Variants in PPP2R5E observed in about 807,000 individuals in gnomAD.
PPP2R5E encodes the protein protein phosphatase 2 regulatory subunit B'epsilon.
A neutral mutation model predicts 65.3 loss-of-function variants in PPP2R5E; 4 were observed. The observed-to-expected ratio is 0.06, with a 90% CI of 0.03 to 0.14. PPP2R5E has a LOEUF of 0.14. Among genes scored for constraint, PPP2R5E ranks in the 10% least tolerant of loss-of-function variants. PPP2R5E has a pLI of 1.00. For missense variants in PPP2R5E, 274 were observed against 556.1 expected (o/e 0.49, Z 5.10); for synonymous variants, 183 against 187.4 (o/e 0.98, Z 0.19).
At position 63,386,099 on chromosome 14, in the gene PPP2R5E, T is replaced by C. The variant is rs527920690; in HGVS notation, c.1075-1528A>G. On this transcript the variant is annotated intron_variant, in intron 11 of 13. Transcript: ENST00000337537. Reference sequence around the variant, plus strand: ...TTATACAGATTAAGAAGCCCTGTTTTAGAAGAGAACAAAATGGTATAAGAT... The same window carrying C: ...TTATACAGATTAAGAAGCCCTGTTTCAGAAGAGAACAAAATGGTATAAGAT... Among the ~76,000 whole-genome samples, 13 of 152,332 alleles carry C rather than the reference T, an allele frequency of 8.5e-5. 1 individual carries two copies. In the South Asian group the frequency reaches 2.3e-3, roughly 27 times the overall value.
rs150348472 is a variant in PPP2R5E at position 63,475,645 on chromosome 14, G to C, written c.158-21760C>G. ...ACATTGAAGACTAACAATTTTTGGAGGAAAAACTACAAAGGCAAAGAAGAA... is the reference window on the plus strand; with the variant it reads ...ACATTGAAGACTAACAATTTTTGGACGAAAAACTACAAAGGCAAAGAAGAA... On this transcript the variant is annotated intron_variant, in intron 2 of 13. Coordinates refer to ENST00000337537, the MANE Select transcript of PPP2R5E (RefSeq NM_006246.5). 4.4e-3 allele frequency among the ~76,000 whole-genome samples: 671 copies of C among 151,962 alleles called. 3 individuals carry two copies. The highest frequency in any genetic ancestry group is 7.5e-3 in the Non-Finnish European group (507 of 67,978).
intron 4 of PPP2R5E, among the ~76,000 whole-genome samples, 184 bp downstream of exon 4, chr14:63,421,809 C>A (rs1424927006): frequency 1.3e-5 from 2 of 152,166 alleles, no homozygotes; most frequent in Non-Finnish European, 2.9e-5. Flanking sequence ...ATCACACTGA[C>A]ACTATTTTAT....
intron 2 of PPP2R5E, among the ~76,000 whole-genome samples, chr14:63,510,070 C>T (rs1257622594): frequency 6.6e-6 from 1 of 152,160 alleles, no homozygotes; most frequent in Non-Finnish European, 1.5e-5. Context: ...TATTTAAATC[C>T]ATGAAGATGG....
In PPP2R5E at chr14:63,372,822, A is replaced by C. The variant is rs1185037875; in HGVS notation, c.*3187T>G. On this transcript the variant is annotated 3_prime_UTR_variant, in exon 14 of 14. Transcript: ENST00000337537. ...GGACTATCCCACGCATAGGAGGTAC[A>C]AAATAAATTAAACCCTTTCATTTAG... 2 of 152,206 alleles carry C rather than the reference A, an allele frequency of 1.3e-5. No individual in the cohort carries two copies. The highest frequency in any genetic ancestry group is 2.4e-5 in the African/African-American group (1 of 41,456). The allele number at this position is 152,206 out of a possible 1,614,324, so 9.4% of individuals were successfully genotyped here. A position where few individuals can be genotyped will look rare whatever the true frequency, so the allele number is the denominator to read the frequency against.
At chr14:63,463,497 A>C (rs943406422) in intron 2 of PPP2R5E, among the ~76,000 whole-genome samples, 5 of 150,900 alleles carry the variant, frequency 3.3e-5, no homozygotes, top group African/African-American at 1.2e-4. Context: ...GAACCTAACC[A>C]AAAAAAAATG....
intron 5 of PPP2R5E, among the ~76,000 whole-genome samples, chr14:63,398,880 C>T (rs1330336482): frequency 3.9e-5 from 6 of 152,088 alleles, no homozygotes; most frequent in African/African-American, 1.2e-4. Context: ...AAAGTGTTGG[C>T]GAGGATATGG....
At chr14:63,499,337 G>C (rs1239890045) in intron 2 of PPP2R5E, among the ~76,000 whole-genome samples, 2 of 152,242 alleles carry the variant, frequency 1.3e-5, no homozygotes. Context: ...AAACTAGAAG[G>C]GCTATGGCAG....
At chr14:63,404,613 C>T (rs547116337) in intron 5 of PPP2R5E, among the ~76,000 whole-genome samples, 4 of 152,278 alleles carry the variant, frequency 2.6e-5, no homozygotes, top group African/African-American at 9.6e-5. Flanking sequence ...CAAAAGGTTG[C>T]GATCACAAGC....
intron 3 of PPP2R5E, among the ~76,000 whole-genome samples, chr14:63,429,606 C>A (rs948804059): frequency 2.0e-5 from 3 of 152,098 alleles, no homozygotes; most frequent in African/African-American, 7.2e-5. Context: ...TAATCATTTA[C>A]AACCAGGAGG....
chr14:63,464,490 G>A (rs1889675056), intron 2 of PPP2R5E, among the ~76,000 whole-genome samples: 2 of 152,166 alleles, frequency 1.3e-5, no homozygotes, highest in South Asian at 4.1e-4. Flanking sequence ...GCATGCTGGT[G>A]AATCTGATGA....
At chr14:63,540,552 T>TA (rs779614014) in intron 1 of PPP2R5E, among the ~76,000 whole-genome samples, 2,735 of 130,140 alleles carry the variant, frequency 0.021, 37 homozygotes, top group African/African-American at 0.048. Flanking sequence ...CCATCTCTAA[T>TA]AAAAAAAAAA....
chr14:63,421,400 C>G (rs1039487876), intron 4 of PPP2R5E, among the ~76,000 whole-genome samples: 1 of 152,162 alleles, frequency 6.6e-6, no homozygotes, highest in African/African-American at 2.4e-5. Context: ...AACAGAGATG[C>G]AGTGATGCCC....
At chr14:63,443,046 C>A (rs1476897673) in intron 3 of PPP2R5E, among the ~76,000 whole-genome samples, 1 of 152,052 alleles carries the variant, frequency 6.6e-6, no homozygotes, top group Non-Finnish European at 1.5e-5. Flanking sequence ...TAATTTTCTA[C>A]AATGTCATAT....
chr14:63,471,952 A>C (rs1423371131), intron 2 of PPP2R5E, among the ~76,000 whole-genome samples: 1 of 152,232 alleles, frequency 6.6e-6, no homozygotes, highest in Non-Finnish European at 1.5e-5. Flanking sequence ...GCAAAATGCA[A>C]CTACCAAGGG....
At chr14:63,425,847 G>A (rs1421412139) in intron 3 of PPP2R5E, among the ~76,000 whole-genome samples, 1 of 152,160 alleles carries the variant, frequency 6.6e-6, no homozygotes, top group Non-Finnish European at 1.5e-5. Flanking sequence ...TCCCTATATT[G>A]TGTTCTAATC....
Position 63,453,939 on chromosome 14 carries a change from G to A in PPP2R5E, c.158-54C>T, listed in dbSNP as rs1379519664. 3.0e-6 allele frequency: 4 copies of A among 1,316,496 alleles called. No homozygotes were observed. The Admixed American group carries it at 8.3e-5, about 27-fold the overall frequency. 81.6% of individuals were successfully genotyped at this position (1,316,496 alleles called of 1,614,324 possible). ...TCTGTCATCAATTTCCAGGTAACAG[G>A]AATTCTCTGTGAAAGTTACTTCAAA... On this transcript the variant is annotated intron_variant, in intron 2 of 13. Transcript: ENST00000337537.
intron 2 of PPP2R5E, among the ~76,000 whole-genome samples, chr14:63,478,481 A>G (rs1158547464): frequency 6.6e-6 from 1 of 152,214 alleles, no homozygotes; most frequent in African/African-American, 2.4e-5. Context: ...TTACACTTTT[A>G]TACATCTCTT....
At chr14:63,501,259 G>A (rs1891863564) in intron 2 of PPP2R5E, among the ~76,000 whole-genome samples, 1 of 152,032 alleles carries the variant, frequency 6.6e-6, no homozygotes, top group African/African-American at 2.4e-5. Context: ...AAAAAAATTA[G>A]CCGGGCGTGG....
chr14:63,530,630 C>CTTTTTTTTTTTTTTT (rs954359159), intron 2 of PPP2R5E, among the ~76,000 whole-genome samples: 1 of 81,294 alleles, frequency 1.2e-5, no homozygotes, highest in African/African-American at 5.1e-5. Flanking sequence ...CTCTCAATTT[C>CTTTTTTTTTTTTTTT]TTTTTTTTTT....
Sources: gnomAD v4.1 joint callset for allele counts (sites outside exome capture counted in the v4.1 genomes callset) on GRCh38, gnomAD v4.1.1 for gene constraint, MANE v1.5 for transcripts, NCBI Gene and HGNC (gene_info 2026-07-23, HGNC 2026-07-21) for gene names.